ROR1: variants seen among roughly 807,000 people sequenced by gnomAD.
ROR1 encodes the protein ROR family WNT receptor 1, also known as inactive tyrosine-protein kinase transmembrane receptor ROR1.
Under a neutral mutation model 78.8 loss-of-function variants are expected in ROR1, and 19 were observed. The observed-to-expected ratio is 0.24, with a 90% confidence interval of 0.17 to 0.35. The LOEUF is 0.35. ROR1 is among the 10% of genes least tolerant of loss of function. The probability of loss-of-function intolerance (pLI) is 1.00; values close to 1 mark genes in which losing one functional copy is unlikely to be tolerated. For synonymous variants in ROR1, 386 were observed against 433.6 expected, an observed-to-expected ratio of 0.89 and a Z score of 1.36; for missense variants, 917 against 1,177.8, an observed-to-expected ratio of 0.78 and a Z score of 3.24.
chr1:64,093,740 G>C (rs1230301040), intron 4 of ROR1, among the ~76,000 whole-genome samples: 2 of 152,096 alleles, frequency 1.3e-5, no homozygotes, highest in African/African-American at 4.8e-5. Flanking sequence ...CCCACAGCTA[G>C]AGATCTCAGT....
chr1:64,037,406 ACTAGTTTG>A (rs1356940511), intron 2 of ROR1, among the ~76,000 whole-genome samples: 3 of 152,114 alleles, frequency 2.0e-5, no homozygotes, highest in Non-Finnish European at 2.9e-5. Flanking sequence ...ATCCATTGCA[ACTAGTTTG>A]CTAGCCCGAG....
intron 1 of ROR1, among the ~76,000 whole-genome samples, chr1:64,007,998 C>T (rs1283724166): frequency 2.9e-5 from 4 of 138,800 alleles, no homozygotes; most frequent in Non-Finnish European, 4.5e-5. Flanking sequence ...ATTTTAGATT[C>T]AGAGGGTACA....
chr1:63,776,842 C>T (rs1345068524), intron 1 of ROR1, among the ~76,000 whole-genome samples: 1 of 152,072 alleles, frequency 6.6e-6, no homozygotes, highest in Non-Finnish European at 1.5e-5. Flanking sequence ...TTATAAATCC[C>T]TTTCCATTTT....
At chr1:64,100,866 T>A (rs896047361) in intron 4 of ROR1, among the ~76,000 whole-genome samples, 1 of 152,186 alleles carries the variant, frequency 6.6e-6, no homozygotes, top group East Asian at 1.9e-4. Context: ...AAGTGCCCCC[T>A]CTGTGCCTGG....
At chr1:64,014,329 C>T (rs543344809) in intron 2 of ROR1, among the ~76,000 whole-genome samples, 1 of 152,228 alleles carries the variant, frequency 6.6e-6, no homozygotes, top group Admixed American at 6.5e-5. Context: ...ACCTGTCTAT[C>T]CTTTCCAACA....
At chr1:64,007,773 G>A (rs1477156762) in intron 1 of ROR1, among the ~76,000 whole-genome samples, 1 of 152,022 alleles carries the variant, frequency 6.6e-6, no homozygotes, top group Non-Finnish European at 1.5e-5. Flanking sequence ...TTCCAAACAC[G>A]ACCAGTGAAA....
At chr1:63,923,721 A>T (rs913804118) in intron 1 of ROR1, among the ~76,000 whole-genome samples, 3 of 151,564 alleles carry the variant, frequency 2.0e-5, no homozygotes, top group Non-Finnish European at 4.4e-5. Context: ...CAGATCATTC[A>T]TTCGCTTTTG....
intron 1 of ROR1, among the ~76,000 whole-genome samples, chr1:63,818,324 A>C (rs1197199819): frequency 2.0e-5 from 3 of 152,238 alleles, no homozygotes; most frequent in Admixed American, 6.5e-5. Context: ...GAGGCCCTTC[A>C]GTGTTGGCTC....
At chr1:63,883,616 G>A (rs1179014395) in intron 1 of ROR1, among the ~76,000 whole-genome samples, 1 of 152,176 alleles carries the variant, frequency 6.6e-6, no homozygotes, top group Admixed American at 6.5e-5. Flanking sequence ...TGGCCTCAGA[G>A]AACAGGCCAG....
intron 4 of ROR1, among the ~76,000 whole-genome samples, chr1:64,090,500 A>G (rs906262002): frequency 2.0e-5 from 3 of 152,196 alleles, no homozygotes; most frequent in East Asian, 1.9e-4. Context: ...ACATACAGCA[A>G]CAATTAAAGA....
intron 1 of ROR1, among the ~76,000 whole-genome samples, chr1:63,820,272 AG>A (rs1489118235): frequency 1.2e-4 from 19 of 152,152 alleles, no homozygotes; most frequent in African/African-American, 3.4e-4. Context: ...TCCCCCTGCA[AG>A]CCCTGCAATC....
At chr1:64,087,364 C>T (rs1647163354) in intron 4 of ROR1, among the ~76,000 whole-genome samples, 2 of 152,154 alleles carry the variant, frequency 1.3e-5, no homozygotes, top group African/African-American at 4.8e-5. Flanking sequence ...AACGTAAGTA[C>T]GAACACAATG....
In ROR1 at chr1:64,115,568, T is replaced by G. The variant is rs1252272818; in HGVS notation, c.483-21801T>G. Among the ~76,000 whole-genome samples the G allele has an allele frequency of 2.6e-5, 4 of 151,830 alleles. No homozygotes were observed. The East Asian group carries it at 7.7e-4, about 29-fold the overall frequency. On this transcript the variant is annotated intron_variant, in intron 4 of 8. Coordinates refer to ENST00000371079, the MANE Select transcript of ROR1 (RefSeq NM_005012.4). ...TAAGAGGGTAAATAGAACTTACCTC[T>G]TATGGTTGTAACGATAAATAAATAA...
chr1:63,996,069 C>T (rs868127920), intron 1 of ROR1, among the ~76,000 whole-genome samples: 2 of 152,128 alleles, frequency 1.3e-5, no homozygotes, highest in African/African-American at 4.8e-5. Flanking sequence ...ATTCAGAAAA[C>T]GTCTATTGAC....
chr1:64,116,486 A>G (rs539169175), intron 4 of ROR1, among the ~76,000 whole-genome samples: 26 of 152,306 alleles, frequency 1.7e-4, no homozygotes, highest in Admixed American at 3.3e-4. Context: ...CTCAAAAAGT[A>G]TAGCTCTTTT....
chr1:64,086,298 G>A (rs1181004380), intron 4 of ROR1, among the ~76,000 whole-genome samples: 1 of 152,210 alleles, frequency 6.6e-6, no homozygotes, highest in East Asian at 1.9e-4. Flanking sequence ...GAGCTATGAA[G>A]CAGAGGTTCA....
intron 1 of ROR1, among the ~76,000 whole-genome samples, chr1:63,817,320 G>A (rs1032048465): frequency 6.6e-6 from 1 of 152,074 alleles, no homozygotes; most frequent in African/African-American, 2.4e-5. Flanking sequence ...GGGAGAGAAA[G>A]GACTATTTTC....
chr1:63,794,390 C>A (rs146187268), intron 1 of ROR1, among the ~76,000 whole-genome samples: 6 of 152,248 alleles, frequency 3.9e-5, no homozygotes, highest in East Asian at 1.9e-4. Flanking sequence ...CGAGGCCCAC[C>A]CTGGCCTTGA....
At chr1:63,851,186 G>T (rs1645111665) in intron 1 of ROR1, among the ~76,000 whole-genome samples, 1 of 152,108 alleles carries the variant, frequency 6.6e-6, no homozygotes, top group Non-Finnish European at 1.5e-5. Context: ...CACCATGTTG[G>T]CCAGGATGGT....
Sources: allele counts gnomAD v4.1 joint callset (sites outside exome capture counted in the v4.1 genomes callset), GRCh38; gene constraint gnomAD v4.1.1; transcripts MANE v1.5; gene names NCBI Gene and HGNC (gene_info 2026-07-23, HGNC 2026-07-21).